Variants in PKHD1 observed in about 807,000 individuals in gnomAD.
The protein encoded by PKHD1 is PKHD1 ciliary IPT domain containing fibrocystin/polyductin.
In PKHD1, 291 loss-of-function variants were observed where a neutral mutation model predicts 412.0. That is an observed-to-expected ratio of 0.71 (90% confidence interval 0.64 to 0.78). The LOEUF is 0.78. Among genes scored for constraint, PKHD1 ranks in the 30% least tolerant of loss-of-function variants. The probability of loss-of-function intolerance (pLI) is 0.00; values close to 1 mark genes in which losing one functional copy is unlikely to be tolerated. For synonymous variants in PKHD1, 1,777 were observed against 1,821.5 expected (o/e 0.98, Z 0.62); for missense variants, 4,825 against 4,950.7 (o/e 0.97, Z 0.76).
At chr6:51,981,908 G>C (rs1435228378) in intron 35 of PKHD1, among the ~76,000 whole-genome samples, 1 of 94,704 alleles carries the variant, frequency 1.1e-5, no homozygotes, top group African/African-American at 2.9e-5. Context: ...CATCTAGGAA[G>C]TGAGGAGCGT....
At chr6:51,967,110 C>G (rs960741883) in intron 35 of PKHD1, among the ~76,000 whole-genome samples, 6 of 151,868 alleles carry the variant, frequency 4.0e-5, no homozygotes, top group African/African-American at 1.5e-4. Flanking sequence ...TGCACAAAGA[C>G]CTGGGTAGAC....
chr6:52,048,450 A>G, intron 23 of PKHD1, 42 bp downstream of exon 23: 1 of 1,598,160 alleles, frequency 6.3e-7, no homozygotes, highest in Non-Finnish European at 8.6e-7. Flanking sequence ...GTGAGTGAGA[A>G]TATGTGAGTG....
intron 36 of PKHD1, among the ~76,000 whole-genome samples, chr6:51,936,211 A>T (rs2127777980): frequency 6.6e-6 from 1 of 152,298 alleles, no homozygotes; most frequent in Admixed American, 6.5e-5. Context: ...ATTCTGATTT[A>T]AGTGCCTCTA....
intron 35 of PKHD1, among the ~76,000 whole-genome samples, chr6:52,008,382 C>G (rs1799360352): frequency 6.6e-6 from 1 of 152,180 alleles, no homozygotes; most frequent in African/African-American, 2.4e-5. Context: ...CCACATAAGG[C>G]CTCACTTCCC....
chr6:51,777,966 G>A (rs997966768), intron 53 of PKHD1, among the ~76,000 whole-genome samples: 3 of 152,098 alleles, frequency 2.0e-5, no homozygotes, highest in African/African-American at 4.8e-5. Flanking sequence ...GAGAGAAAAC[G>A]AAAGATGAAG....
intron 35 of PKHD1, among the ~76,000 whole-genome samples, chr6:51,969,440 G>A (rs1793328620): frequency 6.6e-6 from 1 of 152,186 alleles, no homozygotes; most frequent in African/African-American, 2.4e-5. Flanking sequence ...GGGTACAAGT[G>A]CAGTTTTGTT....
chr6:51,732,801 A>C (rs1413866560), intron 60 of PKHD1, among the ~76,000 whole-genome samples: 1 of 152,228 alleles, frequency 6.6e-6, no homozygotes, highest in Non-Finnish European at 1.5e-5. Flanking sequence ...ACCCAATAGA[A>C]TTGAAAGTAG....
intron 24 of PKHD1, among the ~76,000 whole-genome samples, chr6:52,045,536 G>T (rs1581925258): frequency 6.6e-6 from 1 of 152,122 alleles, no homozygotes; most frequent in Non-Finnish European, 1.5e-5. Flanking sequence ...TTTTCATCTT[G>T]GGCTTCATTT....
chr6:51,829,361 C>T (rs977718250), intron 52 of PKHD1, among the ~76,000 whole-genome samples: 2 of 152,082 alleles, frequency 1.3e-5, no homozygotes, highest in Non-Finnish European at 2.9e-5. Flanking sequence ...GCTCCTTGCT[C>T]GGCATAAAAA....
At chr6:51,995,151 G>C (rs1797577206) in intron 35 of PKHD1, among the ~76,000 whole-genome samples, 1 of 152,138 alleles carries the variant, frequency 6.6e-6, no homozygotes. Context: ...CCTCGTGGAA[G>C]CACTGCCTGT....
In PKHD1 at chr6:52,025,091, G is replaced by A. The variant is rs577804747; in HGVS notation, c.4719C>T (p.Pro1573=). The stretch of plus-strand genomic sequence containing the variant: ...TCTTAGGAAAATAATGAAACACTTG[G>A]GGCATAATGTAGAAGTGTCTGGAAA... ...GNVSRHFYIM[P]QVFHYFPKNF... Residue 1573 remains proline (P), a synonymous_variant, in exon 32 of 67, where the codon CCC becomes CCT. Transcript: ENST00000371117. The A allele has an allele frequency of 5.5e-5, 88 of 1,614,082 alleles. 1 individual carries two copies. In the South Asian group the frequency reaches 8.9e-4, roughly 16 times the overall value.
intron 60 of PKHD1, among the ~76,000 whole-genome samples, chr6:51,671,317 C>T (rs1397862251): frequency 1.3e-5 from 2 of 152,310 alleles, no homozygotes; most frequent in South Asian, 2.1e-4. Flanking sequence ...ATCACTGATA[C>T]CCTGTCTTCC....
At chr6:52,046,320 G>A in intron 23 of PKHD1, 132 bp from the exon 24 acceptor site, 1 of 789,754 alleles carries the variant, frequency 1.3e-6, no homozygotes, top group Non-Finnish European at 2.3e-6. Context: ...TGTCAAAGTA[G>A]AACTTCAGTA....
intron 28 of PKHD1, 120 bp from the exon 29 acceptor site, chr6:52,033,285 A>G: frequency 3.7e-6 from 3 of 816,546 alleles, no homozygotes; most frequent in Non-Finnish European, 4.1e-6. Flanking sequence ...TTGTTCCTAA[A>G]GGGTATATTT....
intron 37 of PKHD1, among the ~76,000 whole-genome samples, chr6:51,926,651 CA>C (rs1785674931): frequency 6.6e-6 from 1 of 152,114 alleles, no homozygotes; most frequent in Non-Finnish European, 1.5e-5. Flanking sequence ...TGTGTTTAAA[CA>C]AGTCCCCTAA....
At chr6:51,921,216 G>C (rs931210838) in intron 37 of PKHD1, among the ~76,000 whole-genome samples, 1 of 152,106 alleles carries the variant, frequency 6.6e-6, no homozygotes, top group Non-Finnish European at 1.5e-5. Flanking sequence ...TGTGATGTTA[G>C]AGTATCGATT....
chr6:51,653,689 G>A (rs887676031), intron 61 of PKHD1, among the ~76,000 whole-genome samples: 2 of 152,042 alleles, frequency 1.3e-5, no homozygotes, highest in Non-Finnish European at 2.9e-5. Context: ...GAATAAACAC[G>A]GTACATCTTC....
At chr6:51,933,919 C>G (rs1215776194) in intron 37 of PKHD1, among the ~76,000 whole-genome samples, 191 bp downstream of exon 37, 1 of 152,194 alleles carries the variant, frequency 6.6e-6, no homozygotes, top group Non-Finnish European at 1.5e-5. Context: ...GAGGAGCAAA[C>G]AATTGGGAAC....
intron 61 of PKHD1, among the ~76,000 whole-genome samples, chr6:51,650,281 C>T (rs936254094): frequency 6.6e-6 from 1 of 151,994 alleles, no homozygotes. Flanking sequence ...AATTATATAC[C>T]TATTGTCCCA....
Sources: gnomAD v4.1 joint callset for allele counts (sites outside exome capture counted in the v4.1 genomes callset) on GRCh38, gnomAD v4.1.1 for gene constraint, MANE v1.5 for transcripts, NCBI Gene and HGNC (gene_info 2026-07-23, HGNC 2026-07-21) for gene names.